DST: variants seen among roughly 807,000 people sequenced by gnomAD.
The protein encoded by DST is dystonin.
DST carries 253 observed loss-of-function variants against 875.2 expected under a neutral mutation model. The ratio of observed to expected loss-of-function variants is 0.29; its 90% CI spans 0.26 to 0.32. The LOEUF (loss-of-function observed/expected upper bound fraction) is 0.32, where lower values mean the gene tolerates loss of function less well. Ranked by LOEUF, DST falls within the 10% of genes least tolerant of loss-of-function variation. The pLI, the probability that DST is intolerant of heterozygous loss-of-function variation, is 1.00. For missense variants in DST, 8,287 were observed against 9,111.6 expected, an observed-to-expected ratio of 0.91 and a Z score of 3.68; for synonymous variants, 3,124 against 3,197.1, an observed-to-expected ratio of 0.98 and a Z score of 0.77.
At chr6:56,717,567 G>A (rs2152903921) in intron 5 of DST, among the ~76,000 whole-genome samples, 1 of 152,320 alleles carries the variant, frequency 6.6e-6, no homozygotes, top group Non-Finnish European at 1.5e-5. Context: ...CGTAAGATAT[G>A]CAGCTTCCCC....
Position 56,572,246 on chromosome 6 carries a change from TA to T in DST, c.13574del (p.Leu4525Ter). On this transcript the variant is annotated frameshift_variant, in exon 53 of 104. Transcript: ENST00000680361. LOFTEE classifies it high-confidence loss of function. ...AAACTTCAAGATGTTTCTTGTGTTC[TA>T]AAAATTCAGAAGTTGATTCCTACAA... is the stretch of plus-strand genomic sequence containing the variant. Reference protein sequence around the residue: ...QYMQESTSEFLEHKKHLEVLH... With the variant: ...QYMQESTSEFXEHKKHLEVLH... 1.3e-6 allele frequency: 2 copies of T among 1,565,892 alleles called. No individual in the cohort carries two copies. The highest frequency in any genetic ancestry group is 8.7e-7 in the Non-Finnish European group (1 of 1,155,204).
chr6:56,905,444 T>C (rs530768855), intron 2 of DST, among the ~76,000 whole-genome samples: 5 of 152,172 alleles, frequency 3.3e-5, no homozygotes, highest in Non-Finnish European at 7.4e-5. Context: ...GCAACTACCA[T>C]TCTACTCTTT....
Position 56,604,932 on chromosome 6 carries a change from G to C in DST, c.9696C>G (p.Thr3232=), listed in dbSNP as rs1190741423. The change falls in exon 40 of 104, where the codon ACC becomes ACG. Residue 3232 remains threonine, a synonymous_variant. Transcript: ENST00000680361. ...TGTCATTAAGAGGTGAGTCTTTTTG[G>C]GTACTAGTGGACTTCTCTTTTGTAT... is the stretch of plus-strand genomic sequence containing the variant. ...VNNTKEKSTS[T]QKDSPLNDMI... 12 of 1,612,518 alleles carry C rather than the reference G, an allele frequency of 7.4e-6. No homozygotes were observed. Among genetic ancestry groups the C allele is most frequent in the Non-Finnish European group, 1.0e-5 (12 of 1,179,172 alleles).
chr6:56,759,679 T>G (rs2099612715), intron 4 of DST, among the ~76,000 whole-genome samples: 1 of 152,140 alleles, frequency 6.6e-6, no homozygotes, highest in Non-Finnish European at 1.5e-5. Flanking sequence ...CCTGGTTTGG[T>G]GCACTAAGGG....
At chr6:56,566,548 A>G (rs1230432279) in intron 55 of DST, among the ~76,000 whole-genome samples, 1 of 152,110 alleles carries the variant, frequency 6.6e-6, no homozygotes, top group Non-Finnish European at 1.5e-5. Context: ...ACCAGTCCCA[A>G]TGAGATGAGC....
intron 4 of DST, among the ~76,000 whole-genome samples, chr6:56,773,306 T>C (rs1373896286): frequency 6.6e-6 from 1 of 152,112 alleles, no homozygotes; most frequent in Non-Finnish European, 1.5e-5. Flanking sequence ...TCTTGGACCT[T>C]ATAAGTTATT....
intron 2 of DST, among the ~76,000 whole-genome samples, chr6:56,909,681 C>G (rs79114686): frequency 0.019 from 2,883 of 152,288 alleles, 93 homozygotes; most frequent in African/African-American, 0.065. Flanking sequence ...CTGGGCCACA[C>G]CCTCGGAGTT....
At chr6:56,901,951 GGGTTAAAGT>G (rs1592266353) in intron 2 of DST, among the ~76,000 whole-genome samples, 1 of 152,184 alleles carries the variant, frequency 6.6e-6, no homozygotes, top group Non-Finnish European at 1.5e-5. Flanking sequence ...GTGTAATGAA[GGGTTAAAGT>G]GGTTAAAGTA....
At chr6:56,723,952 C>T (rs2099432723) in intron 5 of DST, among the ~76,000 whole-genome samples, 1 of 152,218 alleles carries the variant, frequency 6.6e-6, no homozygotes, top group African/African-American at 2.4e-5. Context: ...TCCTGGGAAC[C>T]TGATTTGAAA....
At chr6:56,642,957 T>C in intron 15 of DST, 5 of 1,426,300 alleles carry the variant, frequency 3.5e-6, no homozygotes, top group Non-Finnish European at 4.6e-6. Flanking sequence ...CAGCAAATAA[T>C]ATGCTGATAA....
At chr6:56,615,653 CATATT>C in intron 36 of DST, 6 of 1,613,910 alleles carry the variant, frequency 3.7e-6, no homozygotes, top group Non-Finnish European at 5.1e-6. Context: ...TGTCTGAGGG[CATATT>C]ATATTTCTGA....
chr6:56,682,960 T>C (rs1219999423), intron 9 of DST, among the ~76,000 whole-genome samples: 1 of 152,240 alleles, frequency 6.6e-6, no homozygotes, highest in Non-Finnish European at 1.5e-5. Context: ...CTTCTGAATC[T>C]GCCTTATGTT....
intron 74 of DST, 38 bp from the exon 75 acceptor site, chr6:56,508,793 G>A: frequency 6.0e-6 from 9 of 1,500,948 alleles, no homozygotes; most frequent in Non-Finnish European, 7.3e-6. Context: ...CGACTGGTTA[G>A]CCCCACGTAA....
At chr6:56,720,055 C>G (rs962781775) in intron 5 of DST, among the ~76,000 whole-genome samples, 1 of 152,088 alleles carries the variant, frequency 6.6e-6, no homozygotes, top group Non-Finnish European at 1.5e-5. Flanking sequence ...ATTTATTAGG[C>G]GGGAATTTCC....
At chr6:56,645,734 A>G in intron 15 of DST, 132 bp downstream of exon 15, 1 of 1,077,022 alleles carries the variant, frequency 9.3e-7, no homozygotes, top group Non-Finnish European at 1.3e-6. Context: ...CTAGGTAAGA[A>G]AATGGAGGAT....
chr6:56,947,400 G>GC (rs1562496451), intron 2 of DST, among the ~76,000 whole-genome samples: 2 of 151,922 alleles, frequency 1.3e-5, no homozygotes, highest in African/African-American at 4.8e-5. Context: ...ACAGGCGTGC[G>GC]CCACCACACC....
Position 56,605,551 on chromosome 6 carries a change from T to C in DST, c.9077A>G (p.Gln3026Arg). 1 of 1,613,172 alleles carries C rather than the reference T, an allele frequency of 6.2e-7. No individual in the cohort carries two copies. The highest frequency in any genetic ancestry group is 2.2e-5 in the East Asian group (1 of 44,842). Residue 3026 changes from glutamine (Q) to arginine (R), a missense_variant, in exon 40 of 104, where the codon CAA becomes CGA. Physicochemically the swap from Gln to Arg is conservative, Grantham distance 43 (BLOSUM62 1). This residue lies in a region of DST where 3,138 missense variants were observed against 3,116.6 expected (regional missense o/e 1.01). Coordinates refer to ENST00000680361, the MANE Select transcript of DST (RefSeq NM_001374736.1). ...LIASVTDKDP[Q>R]GNGSDLIKGR... ...TTTAATGAGATCGCTTCCATTTCCT[T>C]GAGGATCTTTGTCAGTTACAGAGGC...
At chr6:56,767,331 A>G (rs1162387375) in intron 4 of DST, among the ~76,000 whole-genome samples, 1 of 152,100 alleles carries the variant, frequency 6.6e-6, no homozygotes, top group Non-Finnish European at 1.5e-5. Context: ...TAAAAATAAC[A>G]AGTGGCAGGG....
At chr6:56,470,801 C>T (rs1012625986) in intron 95 of DST, among the ~76,000 whole-genome samples, 10 of 151,174 alleles carry the variant, frequency 6.6e-5, no homozygotes, top group Admixed American at 4.6e-4. Flanking sequence ...CACACACACA[C>T]ACACACACAC....
Sources: allele counts gnomAD v4.1 joint callset (sites outside exome capture counted in the v4.1 genomes callset), GRCh38; gene constraint gnomAD v4.1.1; regional missense constraint gnomAD v4.1.1; transcripts MANE v1.5; gene names NCBI Gene and HGNC (gene_info 2026-07-23, HGNC 2026-07-21).